EML6: variants seen among roughly 807,000 people sequenced by gnomAD.
EML6 encodes the protein EMAP like 6.
In EML6, 154 loss-of-function variants were observed where a neutral mutation model predicts 240.1. The observed-to-expected ratio is 0.64, with a 90% confidence interval of 0.56 to 0.73. The LOEUF is 0.73. Among genes scored for constraint, EML6 ranks in the 30% least tolerant of loss-of-function variants. The pLI, the probability that EML6 is intolerant of heterozygous loss-of-function variation, is 0.00. For missense variants in EML6, 2,964 were observed against 2,474.6 expected (o/e 1.20, Z -4.20); for synonymous variants, 1,148 against 899.0 (o/e 1.28, Z -4.95).
chr2:54,744,534 CAG>C (rs761682720), intron 2 of EML6, among the ~76,000 whole-genome samples: 8 of 151,814 alleles, frequency 5.3e-5, no homozygotes, highest in Non-Finnish European at 1.0e-4. Flanking sequence ...GTGGGGTGTG[CAG>C]AGTCAGGGAG....
intron 15 of EML6, among the ~76,000 whole-genome samples, chr2:54,871,120 G>C (rs1671234374): frequency 1.3e-5 from 2 of 152,198 alleles, no homozygotes; most frequent in Admixed American, 1.3e-4. Context: ...AATAACTCTG[G>C]ATAGCGTCAT....
At chr2:54,948,277 C>T (rs895049787) in intron 28 of EML6, among the ~76,000 whole-genome samples, 1 of 152,144 alleles carries the variant, frequency 6.6e-6, no homozygotes, top group African/African-American at 2.4e-5. Context: ...AATGCAGACC[C>T]GAGTCCTGAG....
rs1676644187 is a variant in EML6 at position 54,964,076 on chromosome 2, GGA to G, written c.5252_5253del (p.Glu1751ValfsTer40). ...GATGGTGGCCATTGGCATGAAGAAT[GGA>G]GAGTTTGTCATCTTGTTGGTGAACA... ...GEMVAIGMKN[G>X]EFVILLVNSL... On this transcript the variant is annotated frameshift_variant, in exon 37 of 42. Transcript: ENST00000356458. LOFTEE classifies it high-confidence loss of function. The G allele has an allele frequency of 6.4e-7, 1 of 1,551,656 alleles. No homozygotes were observed. The highest frequency in any genetic ancestry group is 8.7e-7 in the Non-Finnish European group (1 of 1,147,018).
intron 24 of EML6, among the ~76,000 whole-genome samples, chr2:54,908,105 T>A (rs1171851576): frequency 6.6e-6 from 1 of 152,098 alleles, no homozygotes; most frequent in East Asian, 1.9e-4. Flanking sequence ...TTTAAAAAAA[T>A]ACCCTTAATT....
chr2:54,940,468 T>C (rs1305810695), intron 28 of EML6, among the ~76,000 whole-genome samples: 1 of 152,230 alleles, frequency 6.6e-6, no homozygotes, highest in Non-Finnish European at 1.5e-5. Context: ...AAAATTTCAC[T>C]GGATTATAAA....
intron 16 of EML6, among the ~76,000 whole-genome samples, chr2:54,874,577 T>C (rs1255342844): frequency 6.6e-6 from 1 of 152,212 alleles, no homozygotes; most frequent in Non-Finnish European, 1.5e-5. Flanking sequence ...AGTATGTCAA[T>C]ATATAAATGG....
At position 54,844,135 on chromosome 2, in the gene EML6, G is replaced by A. The variant is rs1228069584; in HGVS notation, c.936G>A (p.Glu312=). 6.4e-7 allele frequency: 1 copy of A among 1,551,586 alleles called. No homozygotes were observed. Among genetic ancestry groups the A allele is most frequent in the Non-Finnish European group, 8.7e-7 (1 of 1,147,008 alleles). The change falls in exon 8 of 42, where the codon GAG becomes GAA. Residue 312 remains glutamate, a synonymous_variant. Transcript: ENST00000356458. ...DSEIFEVIVR[E]RDKPMLILQG... ...AGATATTTGAAGTGATTGTGCGAGA[G>A]CGAGACAAGCCGATGTTGATCCTAC...
intron 26 of EML6, among the ~76,000 whole-genome samples, chr2:54,923,364 A>AATGCACAC (rs1674360488): frequency 1.9e-5 from 1 of 52,858 alleles, no homozygotes; most frequent in South Asian, 7.1e-4. Flanking sequence ...GTCCTCACCA[A>AATGCACAC]ACGCACACAC....
chr2:54,895,877 CA>C (rs1672736206), intron 21 of EML6, among the ~76,000 whole-genome samples: 1 of 152,100 alleles, frequency 6.6e-6, no homozygotes, highest in South Asian at 2.1e-4. Context: ...GCTGCTTTCT[CA>C]AAGCCAAAAA....
At chr2:54,790,882 C>T (rs975262540) in intron 2 of EML6, among the ~76,000 whole-genome samples, 8 of 151,920 alleles carry the variant, frequency 5.3e-5, no homozygotes, top group African/African-American at 1.5e-4. Flanking sequence ...CCTGCCACCG[C>T]GCCCAGCTAA....
rs116524071 is a variant in EML6, at chr2:54,754,846, G to A, written c.197+29588G>A. Among the ~76,000 whole-genome samples, 731 of 152,292 alleles carry A rather than the reference G, an allele frequency of 4.8e-3. 3 individuals carry two copies. The highest frequency in any genetic ancestry group is 0.024 in the Middle Eastern group (7 of 294). Reference sequence around the variant, plus strand: ...TGAAGTGCAGAAATGTTCTATGTTTGTACTGTCCAGTGGTAGCCCACTAGT... The same window carrying A: ...TGAAGTGCAGAAATGTTCTATGTTTATACTGTCCAGTGGTAGCCCACTAGT... On this transcript the variant is annotated intron_variant, in intron 2 of 41. Transcript: ENST00000356458.
At chr2:54,932,402 C>G (rs946773150) in intron 28 of EML6, among the ~76,000 whole-genome samples, 3 of 152,216 alleles carry the variant, frequency 2.0e-5, no homozygotes, top group Admixed American at 2.0e-4. Context: ...TCTGGGCACT[C>G]AGGGCTACCC....
In EML6 at chr2:54,860,759, C is replaced by T. The variant is rs897149736; in HGVS notation, c.1825+1058C>T. Among the ~76,000 whole-genome samples the T allele has an allele frequency of 5.9e-5, 9 of 152,286 alleles. 1 individual carries two copies. Among genetic ancestry groups the T allele is most frequent in the East Asian group, 1.9e-4 (1 of 5,176 alleles). ...TATATGGACTTGTAGGCACTTGCAG[C>T]GGCTTCTTCTCTTAGGAGTGGTGAC... is the stretch of plus-strand genomic sequence containing the variant. On this transcript the variant is annotated intron_variant, in intron 12 of 41. Coordinates refer to ENST00000356458, the MANE Select transcript of EML6 (RefSeq NM_001039753.4).
chr2:54,735,661 T>G (rs933497689), intron 2 of EML6, among the ~76,000 whole-genome samples: 1 of 152,246 alleles, frequency 6.6e-6, no homozygotes, highest in Non-Finnish European at 1.5e-5. Context: ...GCCCTTACAA[T>G]GAATGAGACA....
intron 22 of EML6, 90 bp from the exon 23 acceptor site, chr2:54,902,954 T>C (rs76162712): frequency 3.6e-5 from 44 of 1,208,178 alleles, no homozygotes; most frequent in African/African-American, 2.0e-4. Flanking sequence ...CCATACATAA[T>C]GCACATCATC....
chr2:54,761,634 CTTTAA>C (rs370086850), intron 2 of EML6, among the ~76,000 whole-genome samples: 17 of 152,208 alleles, frequency 1.1e-4, no homozygotes, highest in African/African-American at 3.9e-4. Flanking sequence ...TATAGCTTGA[CTTTAA>C]TTTGTCTGAA....
At chr2:54,745,271 G>A (rs370484318) in intron 2 of EML6, among the ~76,000 whole-genome samples, 4 of 152,178 alleles carry the variant, frequency 2.6e-5, no homozygotes, top group African/African-American at 9.7e-5. Flanking sequence ...AACTTCCCAA[G>A]GAGGGAACAG....
chr2:54,947,597 A>C (rs1250310186), intron 28 of EML6, among the ~76,000 whole-genome samples: 6 of 152,168 alleles, frequency 3.9e-5, no homozygotes, highest in Non-Finnish European at 8.8e-5. Context: ...TGATTTGGAA[A>C]CAAAGTATCC....
At chr2:54,741,443 T>A (rs1467545285) in intron 2 of EML6, among the ~76,000 whole-genome samples, 1 of 152,066 alleles carries the variant, frequency 6.6e-6, no homozygotes, top group Non-Finnish European at 1.5e-5. Flanking sequence ...TGTATATAAA[T>A]AAGTACACAC....
Sources: gnomAD v4.1 joint callset for allele counts (sites outside exome capture counted in the v4.1 genomes callset) on GRCh38, gnomAD v4.1.1 for gene constraint, MANE v1.5 for transcripts, NCBI Gene and HGNC (gene_info 2026-07-23, HGNC 2026-07-21) for gene names.